The following CHRM2 variants were observed in gnomAD, a reference collection of about 807,000 sequenced individuals.
CHRM2 encodes the protein cholinergic receptor muscarinic 2.
In CHRM2, 8 loss-of-function variants were observed where a neutral mutation model predicts 25.0. The observed-to-expected ratio is 0.32, with a 90% confidence interval of 0.19 to 0.58. The LOEUF is 0.58. Ranked by LOEUF, CHRM2 falls within the 20% of genes least tolerant of loss-of-function variation. CHRM2 has a pLI of 0.88. For synonymous variants in CHRM2, 202 were observed against 205.7 expected, an observed-to-expected ratio of 0.98 and a Z score of 0.15; for missense variants, 440 against 567.1, an observed-to-expected ratio of 0.78 and a Z score of 2.28.
intron 3 of CHRM2, among the ~76,000 whole-genome samples, chr7:137,007,359 C>T (rs942911526): frequency 6.6e-5 from 10 of 152,094 alleles, no homozygotes; most frequent in African/African-American, 2.4e-4. Flanking sequence ...CCCCACAGCC[C>T]TTGAGGGCAT....
chr7:136,989,618 C>A lies in CHRM2; in HGVS notation c.-124-2569C>A, dbSNP rs1803085282. On this transcript the variant is annotated intron_variant, in intron 2 of 3. Transcript: ENST00000680005. ...GTCATTATTGACTTTTCCCCTCCCT[C>A]ATTCTCCAAATTCAATTATACATTT... Among the ~76,000 whole-genome samples, 4 of 152,138 alleles carry A rather than the reference C, an allele frequency of 2.6e-5. No individual in the cohort carries two copies. The South Asian group carries it at 8.3e-4, about 32-fold the overall frequency.
intron 2 of CHRM2, among the ~76,000 whole-genome samples, chr7:136,982,814 G>A (rs566258998): frequency 3.9e-5 from 6 of 152,172 alleles, no homozygotes; most frequent in African/African-American, 1.4e-4. Context: ...GAGATCTGTT[G>A]TTAGTCTGAT....
chr7:136,999,772 G>A lies in CHRM2; in HGVS notation c.-47+7508G>A, dbSNP rs148060904. Among the ~76,000 whole-genome samples the A allele has an allele frequency of 6.6e-4, 100 of 152,198 alleles. 1 individual carries two copies. The highest frequency in any genetic ancestry group is 3.4e-3 in the Middle Eastern group (1 of 294). On this transcript the variant is annotated intron_variant, in intron 3 of 3. Coordinates refer to ENST00000680005, the MANE Select transcript of CHRM2 (RefSeq NM_001006630.2). ...ATACTTCTGTTCCCAACTGCTTCCC[G>A]ATACTACATAAATGCTGCCACAGTC...
rs545411019 is a variant in CHRM2, at chr7:137,016,303, G to T, written c.*37G>T. ...AAAAGATAGAAGGTGGGCAAGGGGA[G>T]CTTGAGAAGAATAAAAGGGATAAAC... is the stretch of plus-strand genomic sequence containing the variant. On this transcript the variant is annotated 3_prime_UTR_variant, in exon 4 of 4. Transcript: ENST00000680005. 1 of 1,591,210 alleles carries T rather than the reference G, an allele frequency of 6.3e-7. No individual in the cohort carries two copies. Among genetic ancestry groups the T allele is most frequent in the South Asian group, 1.1e-5 (1 of 90,434 alleles).
intron 2 of CHRM2, among the ~76,000 whole-genome samples, chr7:136,973,934 G>T (rs1469927715): frequency 6.6e-6 from 1 of 152,120 alleles, no homozygotes; most frequent in Non-Finnish European, 1.5e-5. Flanking sequence ...GTAATTTACA[G>T]ACAGAATTAT....
chr7:136,939,884 CA>C (rs1799662617), intron 2 of CHRM2, among the ~76,000 whole-genome samples: 1 of 152,100 alleles, frequency 6.6e-6, no homozygotes, highest in Non-Finnish European at 1.5e-5. Flanking sequence ...GCCAGTTAAA[CA>C]ATTATATCCA....
At chr7:136,933,763 T>C (rs528431639) in intron 2 of CHRM2, among the ~76,000 whole-genome samples, 1 of 152,260 alleles carries the variant, frequency 6.6e-6, no homozygotes, top group Non-Finnish European at 1.5e-5. Flanking sequence ...CACTTATATA[T>C]GAGGTAATTC....
At chr7:136,929,681 A>T (rs748122912) in intron 2 of CHRM2, among the ~76,000 whole-genome samples, 8 of 152,210 alleles carry the variant, frequency 5.3e-5, no homozygotes, top group Admixed American at 1.3e-4. Flanking sequence ...AAAACCCTGA[A>T]TCATACAGAA....
chr7:136,881,294 C>T (rs1796257107), intron 2 of CHRM2, among the ~76,000 whole-genome samples: 1 of 151,456 alleles, frequency 6.6e-6, no homozygotes, highest in Non-Finnish European at 1.5e-5. Context: ...AAATTCAAAT[C>T]ATTTCAGGTT....
At position 136,992,807 on chromosome 7, in the gene CHRM2, C is replaced by A. The variant is rs192862241; in HGVS notation, c.-47+543C>A. Among the ~76,000 whole-genome samples the A allele has an allele frequency of 5.3e-5, 8 of 152,246 alleles. No homozygotes were observed. The East Asian group carries it at 1.5e-3, about 29-fold the overall frequency. On this transcript the variant is annotated intron_variant, in intron 3 of 3. Transcript: ENST00000680005. ...CATGAAACTATGAGAACTGGCAATT[C>A]TGAAATCATTAAGGCAGGCCAGCAG...
At chr7:136,981,398 G>A (rs901061860) in intron 2 of CHRM2, among the ~76,000 whole-genome samples, 1 of 152,036 alleles carries the variant, frequency 6.6e-6, no homozygotes, top group East Asian at 1.9e-4. Flanking sequence ...ACCAGCTCCT[G>A]GATTCAATGA....
rs1230474450 is a variant in CHRM2 at position 136,951,132 on chromosome 7, G to A, written c.-124-41055G>A. 2.6e-5 allele frequency: 4 copies of A among 152,124 alleles called. No individual in the cohort carries two copies. In the East Asian group the frequency reaches 7.7e-4, roughly 29 times the overall value. The allele number at this position is 152,124 out of a possible 1,614,324, so 9.4% of individuals were successfully genotyped here. On this transcript the variant is annotated intron_variant, in intron 2 of 3. Transcript: ENST00000680005. Reference sequence around the variant, plus strand: ...TCCCTGAGACTCATTCTCAAACAGAGGAGGCCCCCTGGGTGAAGCTACTTG... The same window carrying A: ...TCCCTGAGACTCATTCTCAAACAGAAGAGGCCCCCTGGGTGAAGCTACTTG...
intron 2 of CHRM2, among the ~76,000 whole-genome samples, chr7:136,942,159 A>C (rs1799810327): frequency 6.6e-6 from 1 of 152,174 alleles, no homozygotes; most frequent in South Asian, 2.1e-4. Context: ...TTAACAGAGT[A>C]GGATAAAGAC....
chr7:136,980,168 G>T (rs1398898068), intron 2 of CHRM2, among the ~76,000 whole-genome samples: 3 of 152,114 alleles, frequency 2.0e-5, no homozygotes, highest in Admixed American at 2.0e-4. Flanking sequence ...CACATCCTTT[G>T]TAAGTTGAAT....
At chr7:136,928,972 G>T (rs531596522) in intron 2 of CHRM2, among the ~76,000 whole-genome samples, 2 of 152,116 alleles carry the variant, frequency 1.3e-5, no homozygotes, top group Non-Finnish European at 2.9e-5. Context: ...GGTGTAAAGC[G>T]CTGTAAATGA....
chr7:136,970,714 A>G (rs1459807504), intron 2 of CHRM2, among the ~76,000 whole-genome samples: 1 of 152,060 alleles, frequency 6.6e-6, no homozygotes, highest in African/African-American at 2.4e-5. Flanking sequence ...AAGTTTTTCA[A>G]AATTATTTAC....
chr7:136,922,636 C>T (rs992543202), intron 2 of CHRM2, among the ~76,000 whole-genome samples: 6 of 152,108 alleles, frequency 3.9e-5, no homozygotes, highest in South Asian at 2.1e-4. Context: ...TGCATCTTGG[C>T]GCCTGTGACT....
chr7:136,893,645 T>A (rs1796780672), intron 2 of CHRM2, among the ~76,000 whole-genome samples: 1 of 152,206 alleles, frequency 6.6e-6, no homozygotes, highest in African/African-American at 2.4e-5. Flanking sequence ...TTGGTGGACC[T>A]CTGCCGTCCT....
chr7:136,991,955 T>C (rs1803262487), intron 2 of CHRM2, among the ~76,000 whole-genome samples: 1 of 152,158 alleles, frequency 6.6e-6, no homozygotes. Flanking sequence ...TGTGATTCTA[T>C]TCTCAGGCCT....
Sources: allele counts gnomAD v4.1 joint callset (sites outside exome capture counted in the v4.1 genomes callset), GRCh38; gene constraint gnomAD v4.1.1; transcripts MANE v1.5; gene names NCBI Gene and HGNC (gene_info 2026-07-23, HGNC 2026-07-21).